CYP7B1: variants seen among roughly 807,000 people sequenced by gnomAD.
CYP7B1 encodes the protein cytochrome P450 family 7 subfamily B member 1.
Under a neutral mutation model 42.7 loss-of-function variants are expected in CYP7B1, and 29 were observed. That is an observed-to-expected ratio of 0.68 (90% CI 0.51 to 0.93). The LOEUF (loss-of-function observed/expected upper bound fraction) is 0.93, where lower values mean the gene tolerates loss of function less well. CYP7B1 is among the 40% of genes least tolerant of loss of function. The probability of loss-of-function intolerance (pLI) is 0.00; values close to 1 mark genes in which losing one functional copy is unlikely to be tolerated. For synonymous variants in CYP7B1, 235 were observed against 218.2 expected (o/e 1.08, Z -0.68); for missense variants, 655 against 600.5 (o/e 1.09, Z -0.95).
chr8:64,718,143 T>C (rs1807185501), intron 1 of CYP7B1, among the ~76,000 whole-genome samples: 1 of 151,996 alleles, frequency 6.6e-6, no homozygotes, highest in African/African-American at 2.4e-5. Context: ...AAGGTCTAAA[T>C]AAAGTATAAA....
At position 64,643,160 on chromosome 8, in the gene CYP7B1, TAC is replaced by T. The variant is rs746995825; in HGVS notation, c.123-18623_123-18622del. ...ATACATATATACATATATACATATA[TAC>T]ACATATATACATATATATACATATA... is the stretch of plus-strand genomic sequence containing the variant. On this transcript the variant is annotated intron_variant, in intron 1 of 5. Coordinates refer to ENST00000310193, the MANE Select transcript of CYP7B1 (RefSeq NM_004820.5). 3.3e-3 allele frequency among the ~76,000 whole-genome samples: 382 copies of T among 116,970 alleles called. 12 individuals are homozygous for T. Among genetic ancestry groups the T allele is most frequent in the African/African-American group, 0.012 (364 of 31,188 alleles). 76.7% of individuals were successfully genotyped at this position (116,970 alleles called of 152,430 possible). A position where few individuals can be genotyped will look rare whatever the true frequency, so the allele number is the denominator to read the frequency against.
At chr8:64,690,152 C>G (rs1806716975) in intron 1 of CYP7B1, among the ~76,000 whole-genome samples, 1 of 152,208 alleles carries the variant, frequency 6.6e-6, no homozygotes, top group African/African-American at 2.4e-5. Context: ...AATCCCAGCA[C>G]TTTGGGAGGC....
chr8:64,588,363 C>T (rs1563533542), downstream of CYP7B1, among the ~76,000 whole-genome samples: 1 of 152,128 alleles, frequency 6.6e-6, no homozygotes, highest in Non-Finnish European at 1.5e-5. Flanking sequence ...ATTACTATTT[C>T]TCCGTATAAG....
At chr8:64,597,818 T>C (rs1805140778) in intron 5 of CYP7B1, among the ~76,000 whole-genome samples, 1 of 152,210 alleles carries the variant, frequency 6.6e-6, no homozygotes, top group South Asian at 2.1e-4. Flanking sequence ...GTGGCTTGCA[T>C]GGAAACGACC....
At chr8:64,764,229 G>GCCCCGGGGCCC (rs1807936169) in intron 1 of CYP7B1, among the ~76,000 whole-genome samples, 1 of 125,150 alleles carries the variant, frequency 8.0e-6, no homozygotes. Flanking sequence ...CTTCCACGCT[G>GCCCCGGGGCCC]CCCCCCCCAC....
At position 64,596,534 on chromosome 8, in the gene CYP7B1, T is replaced by C; in HGVS notation, c.*108A>G. 8.3e-7 allele frequency: 1 copy of C among 1,203,540 alleles called. No individual in the cohort carries two copies. The highest frequency in any genetic ancestry group is 1.5e-5 in the African/African-American group (1 of 64,922). 74.6% of individuals were successfully genotyped at this position (1,203,540 alleles called of 1,614,324 possible). A position where few individuals can be genotyped will look rare whatever the true frequency, so the allele number is the denominator to read the frequency against. ...TATCAGATCAAATAGAAATTAGCGC[T>C]TTTTAAACAAATAAATCAATTACAT... On this transcript the variant is annotated 3_prime_UTR_variant, in exon 6 of 6. Coordinates refer to ENST00000310193, the MANE Select transcript of CYP7B1 (RefSeq NM_004820.5).
Position 64,594,539 on chromosome 8 carries a change from A to C in CYP7B1, c.*2103T>G, listed in dbSNP as rs1390640379. Among the ~76,000 whole-genome samples, 1 of 152,186 alleles carries C rather than the reference A, an allele frequency of 6.6e-6. No individual in the cohort carries two copies. Among genetic ancestry groups the C allele is most frequent in the Non-Finnish European group, 1.5e-5 (1 of 68,026 alleles). On this transcript the variant is annotated 3_prime_UTR_variant, in exon 6 of 6. Transcript: ENST00000310193. The stretch of plus-strand genomic sequence containing the variant: ...GCCTATGATATTAGGAAGGGGTATG[A>C]AAGTGGGTATTAGGGACAAAACAGA...
intron 1 of CYP7B1, among the ~76,000 whole-genome samples, chr8:64,664,680 T>A (rs990670433): frequency 4.6e-5 from 7 of 152,190 alleles, no homozygotes; most frequent in Non-Finnish European, 1.0e-4. Flanking sequence ...CTCATGGACT[T>A]TCTCTTGATG....
chr8:64,794,733 C>T (rs964397791), intron 1 of CYP7B1, among the ~76,000 whole-genome samples: 12 of 152,148 alleles, frequency 7.9e-5, no homozygotes, highest in African/African-American at 2.9e-4. Context: ...GGGAAGCAAA[C>T]GTTCAAACCA....
At chr8:64,783,531 T>A (rs1585912644) in intron 1 of CYP7B1, among the ~76,000 whole-genome samples, 1 of 149,758 alleles carries the variant, frequency 6.7e-6, no homozygotes, top group African/African-American at 2.5e-5. Flanking sequence ...AGAGAAAAAA[T>A]TCCATACTAC....
chr8:64,730,074 T>C (rs753996336), intron 1 of CYP7B1, among the ~76,000 whole-genome samples: 8 of 152,168 alleles, frequency 5.3e-5, no homozygotes, highest in South Asian at 2.1e-4. Context: ...GATTGATTGA[T>C]TGATTGAGAC....
intron 1 of CYP7B1, among the ~76,000 whole-genome samples, chr8:64,784,673 G>A (rs1170064945): frequency 2.0e-5 from 3 of 152,142 alleles, no homozygotes; most frequent in African/African-American, 7.2e-5. Flanking sequence ...TGATGCTCTT[G>A]CCACTATATG....
intron 1 of CYP7B1, among the ~76,000 whole-genome samples, chr8:64,645,577 G>A (rs1805938395): frequency 6.6e-6 from 1 of 152,186 alleles, no homozygotes; most frequent in South Asian, 2.1e-4. Flanking sequence ...AACATTTCAT[G>A]CTCGTGGGTA....
At chr8:64,666,804 A>G (rs1482573294) in intron 1 of CYP7B1, among the ~76,000 whole-genome samples, 3 of 152,228 alleles carry the variant, frequency 2.0e-5, no homozygotes, top group Non-Finnish European at 4.4e-5. Flanking sequence ...ACCAAATTAC[A>G]TACAGCACCC....
chr8:64,597,093 A>T (rs1310552852), intron 5 of CYP7B1, among the ~76,000 whole-genome samples, 164 bp from the exon 6 acceptor site: 3 of 152,172 alleles, frequency 2.0e-5, no homozygotes, highest in Admixed American at 2.0e-4. Context: ...CTTTCAAAAA[A>T]CTCAAATATT....
At chr8:64,623,950 G>A (rs1054823050) in intron 2 of CYP7B1, among the ~76,000 whole-genome samples, 1 of 152,202 alleles carries the variant, frequency 6.6e-6, no homozygotes, top group South Asian at 2.1e-4. Flanking sequence ...TGGTTCATCA[G>A]TTGTAACAAA....
chr8:64,615,307 A>C lies in CYP7B1; in HGVS notation c.851-75T>G, dbSNP rs868047870. 75 of 1,440,312 alleles carry C rather than the reference A, an allele frequency of 5.2e-5. No individual in the cohort carries two copies. The South Asian group carries it at 7.8e-4, about 15-fold the overall frequency. The allele number at this position is 1,440,312 out of a possible 1,614,324, so 89.2% of individuals were successfully genotyped here. Reference sequence around the variant, plus strand: ...TTAGATTTGCAGTGTGCTAATTAAAAGATGTTAGGACACAGACCCAGCCAA... The same window carrying C: ...TTAGATTTGCAGTGTGCTAATTAAACGATGTTAGGACACAGACCCAGCCAA... On this transcript the variant is annotated intron_variant, in intron 3 of 5. Transcript: ENST00000310193.
At chr8:64,788,713 G>A (rs1804568248) in intron 1 of CYP7B1, among the ~76,000 whole-genome samples, 2 of 152,150 alleles carry the variant, frequency 1.3e-5, no homozygotes, top group African/African-American at 4.8e-5. Flanking sequence ...TTATTTCAAT[G>A]TTTAAAATTA....
chr8:64,740,522 T>G (rs1807551762), intron 1 of CYP7B1, among the ~76,000 whole-genome samples: 1 of 149,446 alleles, frequency 6.7e-6, no homozygotes, highest in South Asian at 2.1e-4. Context: ...AAATTACAAT[T>G]AGGAAAAAAA....
Sources: allele counts gnomAD v4.1 joint callset (sites outside exome capture counted in the v4.1 genomes callset), GRCh38; gene constraint gnomAD v4.1.1; transcripts MANE v1.5; gene names NCBI Gene and HGNC (gene_info 2026-07-23, HGNC 2026-07-21).